Variants in PTCH2 observed in about 807,000 individuals in gnomAD.
The protein encoded by PTCH2 is protein patched homolog 2.
PTCH2 carries 96 observed loss-of-function variants against 117.9 expected under a neutral mutation model. That is an observed-to-expected ratio of 0.81 (90% confidence interval 0.69 to 0.96). The LOEUF is 0.96. Among genes scored for constraint, PTCH2 ranks in the 50% least tolerant of loss-of-function variants. The pLI is 0.00. For synonymous variants in PTCH2, 615 were observed against 660.9 expected, an observed-to-expected ratio of 0.93 and a Z score of 1.06; for missense variants, 1,379 against 1,562.5, an observed-to-expected ratio of 0.88 and a Z score of 1.98.
At position 44,823,461 on chromosome 1, in the gene PTCH2, G is replaced by A; in HGVS notation, c.3115-76C>T. ...CTCAGCCATGTCCCGAGCTGTATCTGTCTTCAGAGCTCAACGATACCTTGG... is the reference window on the plus strand; with the variant it reads ...CTCAGCCATGTCCCGAGCTGTATCTATCTTCAGAGCTCAACGATACCTTGG... On this transcript the variant is annotated intron_variant, in intron 19 of 21. Coordinates refer to ENST00000372192, the MANE Select transcript of PTCH2 (RefSeq NM_003738.5). This position sits in a 1 kb window ranked among gnomAD's most constrained non-coding sequence, Gnocchi z 5.1. 1.9e-6 allele frequency: 3 copies of A among 1,601,932 alleles called. No homozygotes were observed. Among genetic ancestry groups the A allele is most frequent in the East Asian group, 2.2e-5 (1 of 44,704 alleles).
chr1:44,828,093 A>G lies in PTCH2; in HGVS notation c.1808T>C (p.Phe603Ser). ...CTGGCTGCTGGCTTCACAGTGGGTA[A>G]AGGCTTGAACTGTGGCAGTGAGGTG... ...IAHLTATVQAFTHCEASSQHV... is the reference protein window; with the variant it reads ...IAHLTATVQASTHCEASSQHV... The change falls in exon 14 of 22, where the codon TTT becomes TCT. Residue 603 changes from phenylalanine to serine, a missense_variant. Coordinates refer to ENST00000372192, the MANE Select transcript of PTCH2 (RefSeq NM_003738.5). 6.2e-7 allele frequency: 1 copy of G among 1,614,090 alleles called. No individual in the cohort carries two copies. The highest frequency in any genetic ancestry group is 8.5e-7 in the Non-Finnish European group (1 of 1,180,012).
Position 44,828,337 on chromosome 1 carries a change from C to A in PTCH2, c.1668G>T (p.Arg556=). The change falls in exon 13 of 22, where the codon CGG becomes CGT. Residue 556 remains arginine, a synonymous_variant. Transcript: ENST00000372192. ...FPAILSLDLR[R]RHCQRLDVLC... is the part of the protein sequence containing the mutation. Reference sequence around the variant, plus strand: ...GCACATCAAGGCGCTGGCAGTGGCGCCGCCGTAGGTCCAGGCTGAGGATGG... The same window carrying A: ...GCACATCAAGGCGCTGGCAGTGGCGACGCCGTAGGTCCAGGCTGAGGATGG... 6.2e-7 allele frequency: 1 copy of A among 1,614,046 alleles called. No homozygotes were observed. Among genetic ancestry groups the A allele is most frequent in the East Asian group, 2.2e-5 (1 of 44,894 alleles).
chr1:44,832,449 G>A (rs533957441), intron 2 of PTCH2, 108 bp from the exon 3 acceptor site: 19 of 1,162,818 alleles, frequency 1.6e-5, no homozygotes, highest in Admixed American at 7.2e-5. Context: ...GGAGAGGTGC[G>A]GCAGAGAGGA....
Position 44,826,450 on chromosome 1 carries a change from G to A in PTCH2, c.2976+38C>T. ...AGGGATGACAGGCTGGGCAGGGAAG[G>A]GTGGGGTGTCTCTGTCCCCACTCCT... is the stretch of plus-strand genomic sequence containing the variant. On this transcript the variant is annotated intron_variant, in intron 18 of 21. Coordinates refer to ENST00000372192, the MANE Select transcript of PTCH2 (RefSeq NM_003738.5). This position sits in a 1 kb window ranked among gnomAD's most constrained non-coding sequence, Gnocchi z 5.1. 6.2e-7 allele frequency: 1 copy of A among 1,613,730 alleles called. No individual in the cohort carries two copies. Among genetic ancestry groups the A allele is most frequent in the Non-Finnish European group, 8.5e-7 (1 of 1,179,974 alleles).
chr1:44,827,564 A>T lies in PTCH2; in HGVS notation c.2209T>A (p.Tyr737Asn). The T allele has an allele frequency of 6.2e-7, 1 of 1,614,158 alleles. No homozygotes were observed. Among genetic ancestry groups the T allele is most frequent in the Non-Finnish European group, 8.5e-7 (1 of 1,180,030 alleles). Residue 737 changes from tyrosine to asparagine, a missense_variant, in exon 15 of 22, where the codon TAC becomes AAC. Transcript: ENST00000372192. ...LSAQLRYFSLYEVALVTQGGF... is the reference protein window; with the variant it reads ...LSAQLRYFSLNEVALVTQGGF... ...CCCTGGGTCACCAGGGCCACCTCGT[A>T]CAGGGAGAAGTACCTGAGCTGGGCG... is the stretch of plus-strand genomic sequence containing the variant.
Position 44,829,035 on chromosome 1 carries a change from C to G in PTCH2, c.1411G>C (p.Val471Leu). The change falls in exon 11 of 22, where the codon GTA (valine) becomes CTA (leucine). Residue 471 changes from valine (V) to leucine (L), a missense_variant. By Grantham distance (32) the Val-to-Leu change is conservative. Coordinates refer to ENST00000372192, the MANE Select transcript of PTCH2 (RefSeq NM_003738.5). ...FLALGIGVDD[V>L]FLLAHAFTEA... is the part of the protein sequence containing the mutation. Reference sequence around the variant, plus strand: ...GTGAAGGCATGCGCCAGCAGGAATACGTCATCCACGCCGATTCCCAGAGCC... The same window carrying G: ...GTGAAGGCATGCGCCAGCAGGAATAGGTCATCCACGCCGATTCCCAGAGCC... The G allele has an allele frequency of 6.3e-7, 1 of 1,593,448 alleles. No homozygotes were observed. The highest frequency in any genetic ancestry group is 8.5e-7 in the Non-Finnish European group (1 of 1,169,806).
chr1:44,828,639 GAC>G lies in PTCH2; in HGVS notation c.1465-10_1465-9del. On this transcript the variant is annotated splice_polypyrimidine_tract_variant and intron_variant, in intron 11 of 21. Coordinates refer to ENST00000372192, the MANE Select transcript of PTCH2 (RefSeq NM_003738.5). ...ACACTCGCCCATGCGCTCCTGCCAG[GAC>G]AGAGTGGGGACCTGCCCTCAGGTCA... The G allele has an allele frequency of 6.2e-7, 1 of 1,610,830 alleles. No homozygotes were observed. The highest frequency in any genetic ancestry group is 8.5e-7 in the Non-Finnish European group (1 of 1,178,900).
rs371828594 is a variant in PTCH2, at chr1:44,826,322, C to G, written c.3042G>C (p.Leu1014=). The change falls in exon 19 of 22, where the codon CTG becomes CTC. Residue 1014 remains leucine (L), a synonymous_variant. Transcript: ENST00000372192. This position sits in a 1 kb window ranked among gnomAD's most constrained non-coding sequence, Gnocchi z 5.1. ...FGIMGFLGIK[L]SAIPVVILVA... Reference sequence around the variant, plus strand: ...CAAGGATCACCACGGGGATGGCACTCAGCTTGATGCCCAGGAAACCCATGA... The same window carrying G: ...CAAGGATCACCACGGGGATGGCACTGAGCTTGATGCCCAGGAAACCCATGA... The G allele has an allele frequency of 9.3e-6, 15 of 1,614,034 alleles. No homozygotes were observed. In the African/African-American group the frequency reaches 2.0e-4, roughly 22 times the overall value.
chr1:44,823,062 T>A lies in PTCH2; in HGVS notation c.3357+7A>T. On this transcript the variant is annotated splice_region_variant and intron_variant, in intron 21 of 21. Coordinates refer to ENST00000372192, the MANE Select transcript of PTCH2 (RefSeq NM_003738.5). This position sits in a 1 kb window ranked among gnomAD's most constrained non-coding sequence, Gnocchi z 5.1. ...GAGTAGAGGGATGGTGCCGAGGGTGTGGTCACCTCTGGCGGCGGGCCCAGG... is the reference window on the plus strand; with the variant it reads ...GAGTAGAGGGATGGTGCCGAGGGTGAGGTCACCTCTGGCGGCGGGCCCAGG... 6.2e-7 allele frequency: 1 copy of A among 1,611,922 alleles called. No individual in the cohort carries two copies.
chr1:44,826,649 G>A lies in PTCH2; in HGVS notation c.2815C>T (p.Gln939Ter). ...GARAACAEAG[Q>*]AGVHAYPSGS... ...CTGGGGTAGGCGTGCACCCCAGCCTGGCCGGCCTCTGCGCATGCTGCCCGG... is the reference window on the plus strand; with the variant it reads ...CTGGGGTAGGCGTGCACCCCAGCCTAGCCGGCCTCTGCGCATGCTGCCCGG... The change falls in exon 18 of 22, where the codon CAG becomes TAG. Residue 939 changes from glutamine to a stop codon, truncating the protein, a stop_gained. Coordinates refer to ENST00000372192, the MANE Select transcript of PTCH2 (RefSeq NM_003738.5). LOFTEE classifies it high-confidence loss of function. The surrounding 1 kb of genome is among the most constrained non-coding windows in gnomAD (Gnocchi z 5.1). 4 of 1,612,212 alleles carry A rather than the reference G, an allele frequency of 2.5e-6. No individual in the cohort carries two copies. The highest frequency in any genetic ancestry group is 3.4e-6 in the Non-Finnish European group (4 of 1,179,368).
downstream of PTCH2, chr1:44,820,345 T>C (rs1043071355): frequency 4.4e-5 from 23 of 527,888 alleles, no homozygotes; most frequent in Admixed American, 4.9e-4. Flanking sequence ...TGCGGAGTCC[T>C]TTGCGGAGCT....
rs192131191 is a variant in PTCH2 at position 44,839,193 on chromosome 1, T to A, written c.265+2654A>T. Reference sequence around the variant, plus strand: ...ATCGAGGCCAGCATGGCCAACATGGTGACACCCTGTTTCTACTAAAAATAC... The same window carrying A: ...ATCGAGGCCAGCATGGCCAACATGGAGACACCCTGTTTCTACTAAAAATAC... On this transcript the variant is annotated intron_variant, in intron 2 of 21. Transcript: ENST00000372192. 3.3e-3 allele frequency among the ~76,000 whole-genome samples: 506 copies of A among 151,934 alleles called. 4 individuals carry two copies. Among genetic ancestry groups the A allele is most frequent in the African/African-American group, 0.011 (466 of 41,478 alleles).
Position 44,842,056 on chromosome 1 carries a change from A to C in PTCH2, c.73-17T>G. The C allele has an allele frequency of 6.3e-7, 1 of 1,591,702 alleles. No homozygotes were observed. The highest frequency in any genetic ancestry group is 1.1e-5 in the South Asian group (1 of 90,552). ...AGCTAGGATCTGGGATGGAAAGAGA[A>C]GGGTCAGCCAGGCATCACTGCAACA... On this transcript the variant is annotated splice_polypyrimidine_tract_variant and intron_variant, in intron 1 of 21. Transcript: ENST00000372192.
At chr1:44,842,326 C>G (rs1016849935) in intron 1 of PTCH2, among the ~76,000 whole-genome samples, 17 of 142,708 alleles carry the variant, frequency 1.2e-4, no homozygotes, top group African/African-American at 4.6e-4. Flanking sequence ...GTTGCCCTGG[C>G]TGGAGTGCAG....
downstream of PTCH2, chr1:44,820,353 G>A (rs1652864191): frequency 9.3e-6 from 5 of 540,124 alleles, no homozygotes; most frequent in South Asian, 7.7e-5. Context: ...CCTTTGCGGA[G>A]CTGGTGTTCG....
At chr1:44,836,695 A>C (rs1268261958) in intron 2 of PTCH2, among the ~76,000 whole-genome samples, 2 of 151,236 alleles carry the variant, frequency 1.3e-5, no homozygotes, top group African/African-American at 4.9e-5. Context: ...AGAGAGCAAG[A>C]CTCTGTCTCG....
At chr1:44,841,013 A>C (rs957745703) in intron 2 of PTCH2, among the ~76,000 whole-genome samples, 1 of 151,972 alleles carries the variant, frequency 6.6e-6, no homozygotes, top group Non-Finnish European at 1.5e-5. Flanking sequence ...TCTACTAAAA[A>C]TACAAAAATT....
Position 44,828,169 on chromosome 1 carries a change from G to A in PTCH2, c.1732C>T (p.Gln578Ter). The A allele has an allele frequency of 6.2e-7, 1 of 1,613,706 alleles. No homozygotes were observed. Among genetic ancestry groups the A allele is most frequent in the Non-Finnish European group, 8.5e-7 (1 of 1,180,042 alleles). ...FSSPCSAQVI[Q>*]ILPQELGDGT... is the part of the protein sequence containing the mutation. Reference sequence around the variant, plus strand: ...TCCCCCAGCTCCTGGGGCAGGATCTGAATCACCTGAGCAGAGCAGGGACTG... The same window carrying A: ...TCCCCCAGCTCCTGGGGCAGGATCTAAATCACCTGAGCAGAGCAGGGACTG... Residue 578 changes from glutamine (Q) to a stop codon, truncating the protein, a stop_gained, in exon 14 of 22, where the codon CAG becomes TAG. Coordinates refer to ENST00000372192, the MANE Select transcript of PTCH2 (RefSeq NM_003738.5). LOFTEE classifies it high-confidence loss of function.
chr1:44,834,289 T>G (rs1284456632), intron 2 of PTCH2, among the ~76,000 whole-genome samples: 1 of 152,020 alleles, frequency 6.6e-6, no homozygotes, highest in East Asian at 1.9e-4. Flanking sequence ...CTGGCTAATT[T>G]TTATATTATT....
Sources: gnomAD v4.1 joint callset for allele counts (sites outside exome capture counted in the v4.1 genomes callset) on GRCh38, gnomAD v4.1.1 for gene constraint, Gnocchi (gnomAD v3.1) non-coding constraint, MANE v1.5 for transcripts, NCBI Gene and HGNC (gene_info 2026-07-23, HGNC 2026-07-21) for gene names.